KCNQ1: variants seen among roughly 807,000 people sequenced by gnomAD.
The protein encoded by KCNQ1 is potassium voltage-gated channel subfamily Q member 1.
KCNQ1 carries 49 observed loss-of-function variants against 72.4 expected under a neutral mutation model. That is an observed-to-expected ratio of 0.68 (90% CI 0.54 to 0.86). The LOEUF is 0.86. Ranked by LOEUF, KCNQ1 falls within the 40% of genes least tolerant of loss-of-function variation. KCNQ1 has a pLI of 0.00. For synonymous variants in KCNQ1, 450 were observed against 412.6 expected (o/e 1.09, Z -1.10); for missense variants, 790 against 945.1 (o/e 0.84, Z 2.15).
rs2133808509 is a variant in KCNQ1, at chr11:2,624,772, AC to A, written c.1393+35920del. The A allele has an allele frequency of 2.5e-6, 1 of 398,402 alleles. No homozygotes were observed. Among genetic ancestry groups the A allele is most frequent in the East Asian group, 3.6e-5 (1 of 28,060 alleles). 24.7% of individuals were successfully genotyped at this position (398,402 alleles called of 1,614,324 possible). On this transcript the variant is annotated intron_variant, in intron 10 of 15. Transcript: ENST00000155840. The surrounding 1 kb of genome is among the most constrained non-coding windows in gnomAD (Gnocchi z 4.9). ...CCACCACCGCCATCTCTTGGAAACCACCTTGTACTTTCTATGTCTCTGATTT... is the reference window on the plus strand; with the variant it reads ...CCACCACCGCCATCTCTTGGAAACCACTTGTACTTTCTATGTCTCTGATTT...
chr11:2,581,525 T>G (rs188169153), intron 6 of KCNQ1, among the ~76,000 whole-genome samples: 1 of 152,214 alleles, frequency 6.6e-6, no homozygotes, highest in Non-Finnish European at 1.5e-5. Flanking sequence ...TGCCAGCCAC[T>G]GTCAGCCTCA....
At position 2,642,735 on chromosome 11, in the gene KCNQ1, G is replaced by T; in HGVS notation, c.1394-19226G>T. Reference sequence around the variant, plus strand: ...AGTATGGTTTGTTCTTGCTTTTCTGGTTCCTTCAGGTGTATCATTAGATTA... The same window carrying T: ...AGTATGGTTTGTTCTTGCTTTTCTGTTTCCTTCAGGTGTATCATTAGATTA... On this transcript the variant is annotated intron_variant, in intron 10 of 15. Transcript: ENST00000155840. This position sits in a 1 kb window ranked among gnomAD's most constrained non-coding sequence, Gnocchi z 4.3. The T allele has an allele frequency of 2.5e-6, 1 of 397,316 alleles. No homozygotes were observed. The highest frequency in any genetic ancestry group is 4.4e-6 in the Non-Finnish European group (1 of 225,498). The allele number at this position is 397,316 out of a possible 1,614,324, so 24.6% of individuals were successfully genotyped here.
Position 2,713,293 on chromosome 11 carries a change from T to C in KCNQ1, c.1514+51212T>C, listed in dbSNP as rs1341304323. ...ACGTTCCCTGAATCACATTGTTCAC[T>C]GCGCTTCTCAGGCCTTCTGGGCTCT... On this transcript the variant is annotated intron_variant, in intron 11 of 15. Coordinates refer to ENST00000155840, the MANE Select transcript of KCNQ1 (RefSeq NM_000218.3). The surrounding 1 kb of genome is among the most constrained non-coding windows in gnomAD (Gnocchi z 5.6). 6.6e-6 allele frequency among the ~76,000 whole-genome samples: 1 copy of C among 152,220 alleles called. No individual in the cohort carries two copies. Among genetic ancestry groups the C allele is most frequent in the South Asian group, 2.1e-4 (1 of 4,834 alleles).
chr11:2,837,592 C>A (rs1848100021), intron 15 of KCNQ1, among the ~76,000 whole-genome samples: 1 of 152,224 alleles, frequency 6.6e-6, no homozygotes, highest in African/African-American at 2.4e-5. Flanking sequence ...GCACACACCA[C>A]CAGCAGGAAC....
chr11:2,675,788 G>A (rs911210461), intron 11 of KCNQ1: 6 of 398,592 alleles, frequency 1.5e-5, no homozygotes, highest in South Asian at 1.3e-4. Context: ...GCTGCTGCCC[G>A]CAGGGCATAC....
chr11:2,617,666 T>G lies in KCNQ1; in HGVS notation c.1393+28812T>G. 2.5e-6 allele frequency: 1 copy of G among 398,508 alleles called. No homozygotes were observed. Among genetic ancestry groups the G allele is most frequent in the Non-Finnish European group, 4.4e-6 (1 of 226,004 alleles). The allele number at this position is 398,508 out of a possible 1,614,324, so 24.7% of individuals were successfully genotyped here. A position where few individuals can be genotyped will look rare whatever the true frequency, so the allele number is the denominator to read the frequency against. ...GTTTTTCATTATGACTGCACCAATC[T>G]ACAGTCCCACCAACACTGTACAAGA... On this transcript the variant is annotated intron_variant, in intron 10 of 15. Transcript: ENST00000155840. The surrounding 1 kb of genome is among the most constrained non-coding windows in gnomAD (Gnocchi z 4.6).
chr11:2,730,193 A>G (rs1845830584), intron 11 of KCNQ1, among the ~76,000 whole-genome samples: 1 of 152,228 alleles, frequency 6.6e-6, no homozygotes, highest in African/African-American at 2.4e-5. Flanking sequence ...CCACTGCACT[A>G]GTCCAGGCGG....
Position 2,621,354 on chromosome 11 carries a change from A to T in KCNQ1, c.1393+32500A>T, listed in dbSNP as rs1407654983. The T allele has an allele frequency of 2.5e-6, 1 of 398,558 alleles. No individual in the cohort carries two copies. The highest frequency in any genetic ancestry group is 2.1e-5 in the African/African-American group (1 of 48,718). The allele number at this position is 398,558 out of a possible 1,614,324, so 24.7% of individuals were successfully genotyped here. A position where few individuals can be genotyped will look rare whatever the true frequency, so the allele number is the denominator to read the frequency against. On this transcript the variant is annotated intron_variant, in intron 10 of 15. Coordinates refer to ENST00000155840, the MANE Select transcript of KCNQ1 (RefSeq NM_000218.3). The surrounding 1 kb of genome is among the most constrained non-coding windows in gnomAD (Gnocchi z 5.7). ...GGCTACTTCTGTATTTTCTTTTAAG[A>T]AATGTATGTTCCTGTCCTTTGCCAA...
chr11:2,696,926 C>G, intron 11 of KCNQ1: 1 of 398,404 alleles, frequency 2.5e-6, no homozygotes, highest in Non-Finnish European at 4.4e-6. Context: ...TATCCAAAAC[C>G]TCTCTGAAAT....
chr11:2,575,678 G>A (rs917635781), intron 6 of KCNQ1, among the ~76,000 whole-genome samples: 4 of 152,206 alleles, frequency 2.6e-5, no homozygotes, highest in Non-Finnish European at 5.9e-5. Flanking sequence ...CTGTCCGTCC[G>A]TCGGGGCTGC....
intron 10 of KCNQ1, chr11:2,632,560 T>A: frequency 2.5e-6 from 1 of 398,368 alleles, no homozygotes; most frequent in Non-Finnish European, 4.4e-6. Flanking sequence ...TTGTAGATAT[T>A]TATGGGATAT....
At chr11:2,641,778 T>C in intron 10 of KCNQ1, 2 of 398,466 alleles carry the variant, frequency 5.0e-6, no homozygotes, top group East Asian at 7.1e-5. Context: ...TCATGCCTCA[T>C]GTTTAAGTCT....
At chr11:2,660,542 A>G in intron 10 of KCNQ1, 1 of 398,636 alleles carries the variant, frequency 2.5e-6, no homozygotes, top group Non-Finnish European at 4.4e-6. Flanking sequence ...AATTCCTACA[A>G]AGTGATAAGC....
At position 2,601,907 on chromosome 11, in the gene KCNQ1, G is replaced by A. The variant is rs540259500; in HGVS notation, c.1393+13053G>A. Among the ~76,000 whole-genome samples the A allele has an allele frequency of 3.3e-5, 5 of 152,186 alleles. No individual in the cohort carries two copies. The highest frequency in any genetic ancestry group is 6.5e-5 in the Admixed American group (1 of 15,296). ...GCCCCCAAAGTAGCCAGGTCCTAAC[G>A]CCTAGAACCTGTGACTATCGCCTTC... is the stretch of plus-strand genomic sequence containing the variant. On this transcript the variant is annotated intron_variant, in intron 10 of 15. Transcript: ENST00000155840. This position sits in a 1 kb window ranked among gnomAD's most constrained non-coding sequence, Gnocchi z 5.2.
chr11:2,604,132 CAT>C (rs2133780701), intron 10 of KCNQ1, among the ~76,000 whole-genome samples: 1 of 152,234 alleles, frequency 6.6e-6, no homozygotes, highest in African/African-American at 2.4e-5. Flanking sequence ...GCTTCTAGAA[CAT>C]GTGGGTTTTT....
intron 10 of KCNQ1, among the ~76,000 whole-genome samples, chr11:2,589,952 GGCCACGGAT>G (rs1275102662): frequency 5.9e-5 from 9 of 152,316 alleles, no homozygotes; most frequent in South Asian, 2.1e-4. Flanking sequence ...CCTGCCCACT[GGCCACGGAT>G]GCCACGGATG....
rs1316637469 is a variant in KCNQ1, at chr11:2,735,801, CTG to C, written c.1515-33036_1515-33035del. Among the ~76,000 whole-genome samples, 2 of 152,194 alleles carry C rather than the reference CTG, an allele frequency of 1.3e-5. No homozygotes were observed. The highest frequency in any genetic ancestry group is 2.9e-5 in the Non-Finnish European group (2 of 68,042). On this transcript the variant is annotated intron_variant, in intron 11 of 15. Coordinates refer to ENST00000155840, the MANE Select transcript of KCNQ1 (RefSeq NM_000218.3). This position sits in a 1 kb window ranked among gnomAD's most constrained non-coding sequence, Gnocchi z 7.7. ...CCGGTGTTCTCATGGGGCCATCCCT[CTG>C]TGTGTGCCCGAGTCACCTTCTCCTC... is the stretch of plus-strand genomic sequence containing the variant.
chr11:2,720,632 G>A lies in KCNQ1; in HGVS notation c.1515-48212G>A, dbSNP rs143113102. ...TTGGGGGTGTCAGCCTGGGTGTCAA[G>A]GCTGAAGAGGGGAGCCTCCTTGGCC... On this transcript the variant is annotated intron_variant, in intron 11 of 15. Coordinates refer to ENST00000155840, the MANE Select transcript of KCNQ1 (RefSeq NM_000218.3). This position sits in a 1 kb window ranked among gnomAD's most constrained non-coding sequence, Gnocchi z 5.1. 0.025 allele frequency among the ~76,000 whole-genome samples: 3,776 copies of A among 152,256 alleles called. 72 individuals carry two copies. The highest frequency in any genetic ancestry group is 0.038 in the Admixed American group (578 of 15,300).
intron 1 of KCNQ1, among the ~76,000 whole-genome samples, chr11:2,456,938 CAAAAAAAAAA>C (rs58543586): frequency 5.8e-5 from 3 of 52,072 alleles, no homozygotes; most frequent in African/African-American, 1.5e-4. Flanking sequence ...GACTCGGTCT[CAAAAAAAAAA>C]AAAAAAAAAA....
Sources: gnomAD v4.1 joint callset for allele counts (sites outside exome capture counted in the v4.1 genomes callset) on GRCh38, gnomAD v4.1.1 for gene constraint, Gnocchi (gnomAD v3.1) non-coding constraint, MANE v1.5 for transcripts, NCBI Gene and HGNC (gene_info 2026-07-23, HGNC 2026-07-21) for gene names.